SLC2A9: variants seen among roughly 807,000 people sequenced by gnomAD.
SLC2A9 encodes the protein solute carrier family 2 member 9.
In SLC2A9, 39 loss-of-function variants were observed where a neutral mutation model predicts 50.6. That is an observed-to-expected ratio of 0.77 (90% confidence interval 0.60 to 1.01). The LOEUF (loss-of-function observed/expected upper bound fraction) is 1.01. Ranked by LOEUF, SLC2A9 falls within the 50% of genes least tolerant of loss-of-function variation. SLC2A9 has a pLI of 0.00. For missense variants in SLC2A9, 686 were observed against 677.6 expected (o/e 1.01, Z -0.14); for synonymous variants, 324 against 276.9 (o/e 1.17, Z -1.69).
intron 7 of SLC2A9, among the ~76,000 whole-genome samples, chr4:9,909,120 C>T (rs1266299656): frequency 1.3e-5 from 2 of 152,160 alleles, no homozygotes; most frequent in African/African-American, 2.4e-5. Context: ...GAAAGATGTT[C>T]CCCAGAGTTG....
downstream of SLC2A9, among the ~76,000 whole-genome samples, chr4:9,797,309 G>C (rs1400223976): frequency 1.3e-5 from 2 of 152,220 alleles, no homozygotes; most frequent in African/African-American, 2.4e-5. Context: ...CTGGGACTCA[G>C]AGAGGTTCAG....
chr4:9,904,549 G>A (rs148799075), intron 8 of SLC2A9, among the ~76,000 whole-genome samples: 92 of 152,306 alleles, frequency 6.0e-4, no homozygotes, highest in African/African-American at 1.9e-3. Flanking sequence ...ATTCCTTTGT[G>A]CCATGTAAGG....
At chr4:9,825,515 T>A (rs539244446), downstream of SLC2A9, among the ~76,000 whole-genome samples, 2 of 124,622 alleles carry the variant, frequency 1.6e-5, no homozygotes, top group South Asian at 5.5e-4. Flanking sequence ...GTGGCAGAGA[T>A]CACCAATTAA....
chr4:9,874,636 T>G (rs1733979975), intron 10 of SLC2A9, among the ~76,000 whole-genome samples: 1 of 152,262 alleles, frequency 6.6e-6, no homozygotes, highest in South Asian at 2.1e-4. Flanking sequence ...ATCCCAGCTG[T>G]GTGCATGACT....
Position 10,019,071 on chromosome 4 carries a change from G to C in SLC2A9, c.153C>G (p.Asp51Glu), listed in dbSNP as rs1763156097. Residue 51 changes from aspartate (D) to glutamate (E), a missense_variant and splice_region_variant, in exon 2 of 12, where the codon GAC becomes GAG. Asp to Glu is a conservative substitution (Grantham distance 45). Transcript: ENST00000264784. ...SGVPGGRRRKDWSCSLLVASL... is the reference protein window; with the variant it reads ...SGVPGGRRRKEWSCSLLVASL... ...AGGCCACGAGGAGCGAGCAGGACCA[G>C]TCCTGAGGGGAGAGGAAACCACGTC... 1 of 1,551,248 alleles carries C rather than the reference G, an allele frequency of 6.4e-7. No homozygotes were observed. Among genetic ancestry groups the C allele is most frequent in the African/African-American group, 1.4e-5 (1 of 73,182 alleles).
chr4:9,997,570 T>C (rs1373151449), intron 2 of SLC2A9, among the ~76,000 whole-genome samples: 2 of 152,048 alleles, frequency 1.3e-5, no homozygotes, highest in Non-Finnish European at 2.9e-5. Flanking sequence ...TGTGGTGGCA[T>C]GCACCTGTAA....
chr4:9,984,358 G>A lies in SLC2A9; in HGVS notation c.535+1311C>T, dbSNP rs554108136. 2.6e-5 allele frequency among the ~76,000 whole-genome samples: 4 copies of A among 152,294 alleles called. No homozygotes were observed. In the East Asian group the frequency reaches 7.7e-4, roughly 29 times the overall value. On this transcript the variant is annotated intron_variant, in intron 4 of 11. Transcript: ENST00000264784. ...GCTTTTAAGACATCGACAAGGAAGG[G>A]AATTAGCCTTTAAGAAGCTCATGCT...
chr4:9,773,215 G>A (rs1384088644), intron 1 of SLC2A9, among the ~76,000 whole-genome samples: 2 of 152,226 alleles, frequency 1.3e-5, no homozygotes, highest in East Asian at 3.8e-4. Flanking sequence ...TTGAGGTGAT[G>A]TGGCTGGCTC....
intron 5 of SLC2A9, among the ~76,000 whole-genome samples, chr4:9,970,096 A>G (rs910984214): frequency 5.3e-5 from 8 of 152,218 alleles, no homozygotes; most frequent in Non-Finnish European, 1.0e-4. Context: ...AGAGTGTGGC[A>G]GTGGGAGAGA....
chr4:9,886,349 T>C (rs1736207799), intron 10 of SLC2A9, among the ~76,000 whole-genome samples: 1 of 152,078 alleles, frequency 6.6e-6, no homozygotes, highest in African/African-American at 2.4e-5. Flanking sequence ...TGTGTGTTCA[T>C]CCTCTAATTC....
At chr4:9,805,870 T>G (rs1371827611) in intron 3 of SLC2A9, among the ~76,000 whole-genome samples, 3 of 152,192 alleles carry the variant, frequency 2.0e-5, no homozygotes, top group Non-Finnish European at 4.4e-5. Context: ...ACTAATGTTC[T>G]CACTATAATT....
chr4:9,828,121 AT>A (rs1365221618), intron 11 of SLC2A9, among the ~76,000 whole-genome samples: 1 of 152,092 alleles, frequency 6.6e-6, no homozygotes, highest in African/African-American at 2.4e-5. Context: ...TGGCACCTCC[AT>A]CCTTCTGATT....
At chr4:10,010,879 G>A (rs1361700427) in intron 2 of SLC2A9, among the ~76,000 whole-genome samples, 2 of 152,028 alleles carry the variant, frequency 1.3e-5, no homozygotes, top group Admixed American at 6.6e-5. Flanking sequence ...TCTCAACTTT[G>A]GTCCTTTTTT....
chr4:9,872,478 G>A (rs1733609519), intron 10 of SLC2A9, among the ~76,000 whole-genome samples: 1 of 152,240 alleles, frequency 6.6e-6, no homozygotes, highest in Non-Finnish European at 1.5e-5. Context: ...CTGAACCTTT[G>A]CTATCCAGAC....
upstream of SLC2A9, chr4:10,021,577 C>T (rs192792203): frequency 3.8e-5 from 45 of 1,197,004 alleles, no homozygotes; most frequent in East Asian, 5.4e-4. Flanking sequence ...GAACAGGCAA[C>T]GGGGCAACAT....
chr4:9,797,959 C>T (rs1283823257), downstream of SLC2A9, among the ~76,000 whole-genome samples: 3 of 152,212 alleles, frequency 2.0e-5, no homozygotes, highest in Non-Finnish European at 4.4e-5. Flanking sequence ...CAGCCCAGTG[C>T]TTGGCATTCA....
chr4:9,868,073 G>A (rs915671280), intron 10 of SLC2A9, among the ~76,000 whole-genome samples: 2 of 152,240 alleles, frequency 1.3e-5, no homozygotes, highest in Non-Finnish European at 2.9e-5. Flanking sequence ...GGAGCTGAAA[G>A]ATCCCCAAGT....
At chr4:9,829,853 T>G (rs972416256) in intron 11 of SLC2A9, among the ~76,000 whole-genome samples, 2 of 152,054 alleles carry the variant, frequency 1.3e-5, no homozygotes, top group Admixed American at 1.3e-4. Context: ...TATTAAAAAG[T>G]CAAGAAACAA....
At chr4:9,980,180 G>A (rs533298315) in intron 5 of SLC2A9, among the ~76,000 whole-genome samples, 2 of 152,118 alleles carry the variant, frequency 1.3e-5, no homozygotes, top group African/African-American at 4.8e-5. Flanking sequence ...TAAAGAATGA[G>A]GTAGAGCTAA....
Sources: gnomAD v4.1 joint callset for allele counts (sites outside exome capture counted in the v4.1 genomes callset) on GRCh38, gnomAD v4.1.1 for gene constraint, MANE v1.5 for transcripts, NCBI Gene and HGNC (gene_info 2026-07-23, HGNC 2026-07-21) for gene names.